The following ITGA9 variants were observed in gnomAD, a reference collection of about 807,000 sequenced individuals.
ITGA9 encodes integrin alpha-9.
A neutral mutation model predicts 127.8 loss-of-function variants in ITGA9; 56 were observed. The observed-to-expected ratio is 0.44, with a 90% CI of 0.35 to 0.55. The LOEUF is 0.55. Among genes scored for constraint, ITGA9 ranks in the 20% least tolerant of loss-of-function variants. ITGA9 has a pLI of 0.00. For synonymous variants in ITGA9, 508 were observed against 514.5 expected, an observed-to-expected ratio of 0.99 and a Z score of 0.17; for missense variants, 1,196 against 1,347.1, an observed-to-expected ratio of 0.89 and a Z score of 1.76.
At chr3:37,584,737 A>G (rs1435014494) in intron 15 of ITGA9, among the ~76,000 whole-genome samples, 4 of 152,272 alleles carry the variant, frequency 2.6e-5, no homozygotes, top group African/African-American at 9.6e-5. Flanking sequence ...CCTGGGCAAC[A>G]GAGTGAGACT....
chr3:37,507,541 G>C (rs1178769236), intron 7 of ITGA9, among the ~76,000 whole-genome samples: 1 of 152,094 alleles, frequency 6.6e-6, no homozygotes, highest in Non-Finnish European at 1.5e-5. Context: ...GGGGGTGCAA[G>C]GTATAAAGTT....
chr3:37,686,162 T>G (rs538837417), intron 18 of ITGA9, among the ~76,000 whole-genome samples: 28 of 129,342 alleles, frequency 2.2e-4, no homozygotes, highest in African/African-American at 6.8e-4. Context: ...AGGGACTTTT[T>G]GCATCTCGTC....
intron 18 of ITGA9, among the ~76,000 whole-genome samples, chr3:37,691,348 A>G (rs939475287): frequency 2.6e-5 from 4 of 152,082 alleles, no homozygotes; most frequent in Non-Finnish European, 4.4e-5. Flanking sequence ...CACAGTGTGC[A>G]GGAGTTGGGT....
chr3:37,815,348 C>T (rs1278709542), intron 27 of ITGA9, among the ~76,000 whole-genome samples: 5 of 152,202 alleles, frequency 3.3e-5, no homozygotes, highest in Non-Finnish European at 7.3e-5. Flanking sequence ...GTGGCTCACG[C>T]CTGTAATCCC....
rs1698514667 is a variant in ITGA9 at position 37,478,225 on chromosome 3, A to C, written c.421-3259A>C. Among the ~76,000 whole-genome samples, 6 of 152,226 alleles carry C rather than the reference A, an allele frequency of 3.9e-5. No individual in the cohort carries two copies. The South Asian group carries it at 1.2e-3, about 32-fold the overall frequency. ...CCACCACACACCATTCTTAGCAGCC[A>C]GGCCCAGTTGTGGCCGTGCACTGTG... On this transcript the variant is annotated intron_variant, in intron 3 of 27. Coordinates refer to ENST00000264741, the MANE Select transcript of ITGA9 (RefSeq NM_002207.3).
chr3:37,484,777 A>G (rs889709168), intron 4 of ITGA9, among the ~76,000 whole-genome samples: 1 of 152,170 alleles, frequency 6.6e-6, no homozygotes, highest in Non-Finnish European at 1.5e-5. Flanking sequence ...GTAATCTCAG[A>G]TGGGTTATTT....
At chr3:37,804,183 C>T (rs930218151) in intron 27 of ITGA9, among the ~76,000 whole-genome samples, 4 of 152,154 alleles carry the variant, frequency 2.6e-5, no homozygotes, top group Non-Finnish European at 5.9e-5. Flanking sequence ...TCTTACCTTC[C>T]CTTAGAGCCC....
rs1697159709 is a variant in ITGA9 at position 37,795,414 on chromosome 3, T to C, written c.2890-8409T>C. ...AAACACAGAAGTGAATCAAATAGTGTGGTTTAGGTTCACCCACTGCCTCAG... is the reference window on the plus strand; with the variant it reads ...AAACACAGAAGTGAATCAAATAGTGCGGTTTAGGTTCACCCACTGCCTCAG... On this transcript the variant is annotated intron_variant, in intron 26 of 27. Coordinates refer to ENST00000264741, the MANE Select transcript of ITGA9 (RefSeq NM_002207.3). 2.0e-5 allele frequency among the ~76,000 whole-genome samples: 3 copies of C among 152,164 alleles called. No homozygotes were observed. In the South Asian group the frequency reaches 6.2e-4, roughly 32 times the overall value.
chr3:37,586,538 C>T (rs943650727), intron 15 of ITGA9, among the ~76,000 whole-genome samples: 1 of 152,218 alleles, frequency 6.6e-6, no homozygotes, highest in Non-Finnish European at 1.5e-5. Flanking sequence ...CAAGTTTCTG[C>T]AGCAGTTCTG....
intron 15 of ITGA9, among the ~76,000 whole-genome samples, chr3:37,550,146 G>A (rs1407537597): frequency 6.6e-6 from 1 of 152,140 alleles, no homozygotes; most frequent in East Asian, 1.9e-4. Flanking sequence ...AGCAGAGGTA[G>A]GATTTAAACC....
rs75450589 is a variant in ITGA9, at chr3:37,765,847, G to A, written c.2542-11545G>A. 6.5e-3 allele frequency among the ~76,000 whole-genome samples: 988 copies of A among 152,296 alleles called. 9 individuals are homozygous for A. The highest frequency in any genetic ancestry group is 0.031 in the Middle Eastern group (9 of 294). On this transcript the variant is annotated intron_variant, in intron 23 of 27. Coordinates refer to ENST00000264741, the MANE Select transcript of ITGA9 (RefSeq NM_002207.3). ...GTCTCCCTGCTGACTGAAGGCGCCC[G>A]GCCTTATCAAGGAGCCCAAATGTCT...
At chr3:37,650,367 T>C (rs1481470030) in intron 16 of ITGA9, among the ~76,000 whole-genome samples, 2 of 152,170 alleles carry the variant, frequency 1.3e-5, no homozygotes, top group East Asian at 1.9e-4. Context: ...TGGAAAATAA[T>C]TTACCTGCAC....
chr3:37,732,964 C>A, intron 19 of ITGA9, 166 bp downstream of exon 19: 1 of 679,772 alleles, frequency 1.5e-6, no homozygotes. Context: ...TGGCTGTGTA[C>A]ACCGGGGTAT....
chr3:37,755,085 T>C lies in ITGA9; in HGVS notation c.2541+4516T>C, dbSNP rs188751407. On this transcript the variant is annotated intron_variant, in intron 23 of 27. Coordinates refer to ENST00000264741, the MANE Select transcript of ITGA9 (RefSeq NM_002207.3). ...GACCCCCCCAAAAAAATGAATACCA[T>C]TTATTGCTGTCCCAAGGCTTTAGTA... Among the ~76,000 whole-genome samples the C allele has an allele frequency of 3.5e-3, 526 of 152,224 alleles. 7 individuals carry two copies. The highest frequency in any genetic ancestry group is 0.012 in the African/African-American group (503 of 41,542).
intron 22 of ITGA9, 62 bp downstream of exon 22, chr3:37,744,096 T>C (rs1696471718): frequency 3.6e-6 from 4 of 1,104,390 alleles, no homozygotes; most frequent in Non-Finnish European, 5.6e-6. Context: ...ATGGGATGTC[T>C]CTCCTACAGA....
At chr3:37,537,221 TGGG>T (rs565039606) in intron 14 of ITGA9, among the ~76,000 whole-genome samples, 184 of 152,088 alleles carry the variant, frequency 1.2e-3, no homozygotes, top group Middle Eastern at 6.8e-3. Flanking sequence ...TCTGGGAGAA[TGGG>T]GGGAAAATTG....
At chr3:37,714,413 A>G (rs750508289) in intron 18 of ITGA9, among the ~76,000 whole-genome samples, 1 of 152,180 alleles carries the variant, frequency 6.6e-6, no homozygotes, top group African/African-American at 2.4e-5. Flanking sequence ...TGGATGTCGC[A>G]GTGACAGCTG....
chr3:37,786,584 C>G (rs934190787), intron 26 of ITGA9, among the ~76,000 whole-genome samples: 7 of 151,750 alleles, frequency 4.6e-5, no homozygotes, highest in African/African-American at 1.7e-4. Context: ...CGGAGTAAGA[C>G]TCCGTCTCAA....
At chr3:37,476,334 G>A (rs958719597) in intron 3 of ITGA9, among the ~76,000 whole-genome samples, 2 of 151,816 alleles carry the variant, frequency 1.3e-5, no homozygotes, top group South Asian at 4.2e-4. Flanking sequence ...ATGGCTCCAC[G>A]TCCTTGCCAA....
Sources: gnomAD v4.1 joint callset for allele counts (sites outside exome capture counted in the v4.1 genomes callset) on GRCh38, gnomAD v4.1.1 for gene constraint, MANE v1.5 for transcripts, NCBI Gene and HGNC (gene_info 2026-07-23, HGNC 2026-07-21) for gene names.